ARHGAP10: variants seen among roughly 807,000 people sequenced by gnomAD.
ARHGAP10 encodes Rho GTPase activating protein 10.
A neutral mutation model predicts 108.6 loss-of-function variants in ARHGAP10; 87 were observed. That is an observed-to-expected ratio of 0.80 (90% CI 0.67 to 0.96). The LOEUF (loss-of-function observed/expected upper bound fraction) is 0.96, where lower values mean the gene tolerates loss of function less well. Among genes scored for constraint, ARHGAP10 ranks in the 40% least tolerant of loss-of-function variants. The pLI, the probability that ARHGAP10 is intolerant of heterozygous loss-of-function variation, is 0.00. For synonymous variants in ARHGAP10, 347 were observed against 341.1 expected (o/e 1.02, Z -0.19); for missense variants, 939 against 954.5 (o/e 0.98, Z 0.21).
intron 1 of ARHGAP10, among the ~76,000 whole-genome samples, chr4:147,802,931 G>A (rs892999491): frequency 3.3e-5 from 5 of 152,074 alleles, no homozygotes; most frequent in African/African-American, 1.2e-4. Context: ...GTGGAAGTGC[G>A]GACTGTGACA....
At position 148,046,932 on chromosome 4, in the gene ARHGAP10, C is replaced by T. The variant is rs11725737; in HGVS notation, c.1908C>T (p.Ser636=). ...CTTCCAAGGAGGACACCCCTACCAGCAGTCTGGACTCACTTTCCTCCCCGT... is the reference window on the plus strand; with the variant it reads ...CTTCCAAGGAGGACACCCCTACCAGTAGTCTGGACTCACTTTCCTCCCCGT... The part of the protein sequence containing the change: ...PYPSKEDTPT[S]SLDSLSSPSP... Residue 636 remains serine, a synonymous_variant, in exon 20 of 23, where the codon AGC becomes AGT. Transcript: ENST00000336498. 7.8e-4 allele frequency: 1,257 copies of T among 1,614,150 alleles called. 2 individuals are homozygous for T. Among genetic ancestry groups the T allele is most frequent in the Non-Finnish European group, 9.9e-4 (1,165 of 1,180,006 alleles).
chr4:147,834,211 TGTAG>T (rs1733071037), intron 3 of ARHGAP10, among the ~76,000 whole-genome samples: 1 of 152,162 alleles, frequency 6.6e-6, no homozygotes, highest in Non-Finnish European at 1.5e-5. Flanking sequence ...GGCTTACACC[TGTAG>T]TCCCAGCACT....
intron 10 of ARHGAP10, among the ~76,000 whole-genome samples, chr4:147,899,810 T>A (rs1167579677): frequency 6.6e-6 from 1 of 151,840 alleles, no homozygotes; most frequent in Non-Finnish European, 1.5e-5. Context: ...CTTTAAAAAC[T>A]TTTTTTGGCT....
At chr4:147,816,662 G>A (rs1489342573) in intron 1 of ARHGAP10, among the ~76,000 whole-genome samples, 1 of 152,194 alleles carries the variant, frequency 6.6e-6, no homozygotes, top group East Asian at 1.9e-4. Context: ...GTTGTTTGCA[G>A]CATTTTTTAA....
intron 10 of ARHGAP10, among the ~76,000 whole-genome samples, chr4:147,895,590 T>C (rs1579171223): frequency 6.9e-6 from 1 of 145,226 alleles, no homozygotes; most frequent in Non-Finnish European, 1.5e-5. Flanking sequence ...GAGGCTGAGG[T>C]GGGAAGACAG....
intron 1 of ARHGAP10, among the ~76,000 whole-genome samples, chr4:147,799,840 G>C (rs989076715): frequency 2.6e-5 from 4 of 152,098 alleles, no homozygotes; most frequent in African/African-American, 9.7e-5. Context: ...AATTTGACTT[G>C]GGATTTTCCT....
intron 16 of ARHGAP10, among the ~76,000 whole-genome samples, chr4:147,959,674 A>G (rs1324682774): frequency 1.3e-5 from 2 of 152,158 alleles, no homozygotes; most frequent in African/African-American, 2.4e-5. Flanking sequence ...AGCTTCATCC[A>G]TGTCCCTACA....
At chr4:147,893,437 A>G (rs1735866726) in intron 10 of ARHGAP10, among the ~76,000 whole-genome samples, 1 of 147,678 alleles carries the variant, frequency 6.8e-6, no homozygotes, top group Non-Finnish European at 1.5e-5. Flanking sequence ...ATATTTCAAT[A>G]TATATATTAT....
intron 13 of ARHGAP10, among the ~76,000 whole-genome samples, chr4:147,919,403 A>G (rs1327566252): frequency 6.6e-6 from 1 of 152,184 alleles, no homozygotes; most frequent in Non-Finnish European, 1.5e-5. Context: ...TGTGGGAGTC[A>G]CATCAACTCG....
At chr4:147,822,660 G>T in intron 1 of ARHGAP10, 67 bp from the exon 2 acceptor site, 1 of 1,481,048 alleles carries the variant, frequency 6.8e-7, no homozygotes, top group Non-Finnish European at 9.4e-7. Flanking sequence ...ATTTTAGGAA[G>T]AATAAATTTC....
chr4:147,874,871 A>G, intron 7 of ARHGAP10, 150 bp from the exon 8 acceptor site: 1 of 747,446 alleles, frequency 1.3e-6, no homozygotes, highest in Non-Finnish European at 1.9e-6. Context: ...CAGGAGGCAC[A>G]CTGGAAAGAA....
chr4:147,834,591 C>T (rs1733087423), intron 3 of ARHGAP10, among the ~76,000 whole-genome samples: 1 of 152,098 alleles, frequency 6.6e-6, no homozygotes. Flanking sequence ...GTTTGAATGT[C>T]CCAAGCCTTC....
At chr4:147,749,801 TAA>T (rs1383381881) in intron 1 of ARHGAP10, among the ~76,000 whole-genome samples, 3 of 152,224 alleles carry the variant, frequency 2.0e-5, no homozygotes, top group Admixed American at 6.5e-5. Context: ...ACGGTCAAAC[TAA>T]ATATTTGTTA....
intron 1 of ARHGAP10, among the ~76,000 whole-genome samples, chr4:147,803,500 G>A (rs1424057648): frequency 6.6e-6 from 1 of 152,096 alleles, no homozygotes; most frequent in Non-Finnish European, 1.5e-5. Flanking sequence ...TTTAATTATA[G>A]TCAGCCTTCT....
chr4:147,964,446 T>C (rs28522552), intron 16 of ARHGAP10, among the ~76,000 whole-genome samples: 5,279 of 152,312 alleles, frequency 0.035, 297 homozygotes, highest in African/African-American at 0.11. Context: ...CCATGCCTTC[T>C]GTTTCTAGGG....
At chr4:147,769,114 C>T (rs1018996178) in intron 1 of ARHGAP10, among the ~76,000 whole-genome samples, 11 of 152,074 alleles carry the variant, frequency 7.2e-5, no homozygotes, top group Non-Finnish European at 1.0e-4. Context: ...CATTATTGCT[C>T]TCAGGAACTG....
At chr4:147,938,885 T>C (rs566202121) in intron 13 of ARHGAP10, among the ~76,000 whole-genome samples, 1 of 152,312 alleles carries the variant, frequency 6.6e-6, no homozygotes, top group East Asian at 1.9e-4. Context: ...GAAGTCATTA[T>C]TATGAAAATT....
At chr4:147,857,503 A>G (rs776355981) in intron 4 of ARHGAP10, 50 bp from the exon 5 acceptor site, 1 of 1,385,376 alleles carries the variant, frequency 7.2e-7, no homozygotes, top group Non-Finnish European at 9.5e-7. Context: ...TGGATTAACC[A>G]TGTGTATCCT....
intron 1 of ARHGAP10, among the ~76,000 whole-genome samples, chr4:147,732,972 C>T (rs900379041): frequency 1.3e-5 from 2 of 152,212 alleles, no homozygotes; most frequent in African/African-American, 4.8e-5. Flanking sequence ...ATTGTCTGAT[C>T]TTCCCCGACA....
Sources: gnomAD v4.1 joint callset for allele counts (sites outside exome capture counted in the v4.1 genomes callset) on GRCh38, gnomAD v4.1.1 for gene constraint, MANE v1.5 for transcripts, NCBI Gene and HGNC (gene_info 2026-07-23, HGNC 2026-07-21) for gene names.